The following EDA2R variants were observed in gnomAD, a reference collection of about 807,000 sequenced individuals.
EDA2R encodes the protein tumor necrosis factor receptor superfamily member 27.
In EDA2R, 26 loss-of-function variants were observed where a neutral mutation model predicts 20.1. The observed-to-expected ratio is 1.30, with a 90% CI of 0.95 to 1.80. EDA2R has a LOEUF of 1.80. Ranked by LOEUF, EDA2R falls within the 40% of genes most tolerant of loss-of-function variation. The pLI, the probability that EDA2R is intolerant of heterozygous loss-of-function variation, is 0.00. For synonymous variants in EDA2R, 114 were observed against 88.7 expected (o/e 1.29, Z -1.60); for missense variants, 277 against 228.7 (o/e 1.21, Z -1.36).
At chrX:66,611,864 T>C (rs1256479490) in intron 2 of EDA2R, among the ~76,000 whole-genome samples, 2 of 111,026 alleles carry the variant, frequency 1.8e-5, no homozygotes, top group East Asian at 5.6e-4. Flanking sequence ...AAATCCAAAG[T>C]AATGCACACC....
chrX:66,628,881 A>C (rs1239681306), intron 1 of EDA2R, among the ~76,000 whole-genome samples: 1 of 111,261 alleles, frequency 9.0e-6, no homozygotes, highest in African/African-American at 3.3e-5. Flanking sequence ...AGGAAAGGAC[A>C]TAACCAAAAC....
chrX:66,626,750 C>A (rs1933117089), intron 1 of EDA2R, among the ~76,000 whole-genome samples: 1 of 93,970 alleles, frequency 1.1e-5, no homozygotes, highest in African/African-American at 4.0e-5. Context: ...AGGAAAGAAT[C>A]TTAAGATCTG....
In EDA2R at chrX:66,596,269, A is replaced by G. The variant is rs1927432314; in HGVS notation, c.*1835T>C. The G allele has an allele frequency of 9.0e-6, 1 of 111,266 alleles. No individual in the cohort carries two copies. Among genetic ancestry groups the G allele is most frequent in the South Asian group, 3.8e-4 (1 of 2,654 alleles). The allele number at this position is 111,266 out of a possible 1,213,427, so 9.2% of individuals were successfully genotyped here. A position where few individuals can be genotyped will look rare whatever the true frequency, so the allele number is the denominator to read the frequency against. On this transcript the variant is annotated 3_prime_UTR_variant, in exon 7 of 7. Coordinates refer to ENST00000374719, the MANE Select transcript of EDA2R (RefSeq NM_021783.5). Reference sequence around the variant, plus strand: ...CTCAGCATTGAAAAGTAAAACTGTAAAAAGAACTCTCCTGAAGCAAATACT... The same window carrying G: ...CTCAGCATTGAAAAGTAAAACTGTAGAAAGAACTCTCCTGAAGCAAATACT...
At chrX:66,632,872 C>T (rs1933972092) in intron 1 of EDA2R, among the ~76,000 whole-genome samples, 1 of 111,770 alleles carries the variant, frequency 8.9e-6, no homozygotes, top group Non-Finnish European at 1.9e-5. Flanking sequence ...TCAACATTTC[C>T]AAAGTGGCTG....
Position 66,626,773 on chromosome X carries a change from GGAAAGGAAGA to G in EDA2R, c.-10-10753_-10-10744del, listed in dbSNP as rs1238365219. Among the ~76,000 whole-genome samples, 13 of 91,700 alleles carry G rather than the reference GGAAAGGAAGA, an allele frequency of 1.4e-4. No individual in the cohort carries two copies. In the East Asian group the frequency reaches 4.2e-3, roughly 30 times the overall value. 79.6% of individuals were successfully genotyped at this position (91,700 alleles called of 115,157 possible). A position where few individuals can be genotyped will look rare whatever the true frequency, so the allele number is the denominator to read the frequency against. Reference sequence around the variant, plus strand: ...ATCTTAAGATCTGTGAGACTGGAAAGGAAAGGAAGAGGAGGGAAGGGGAGGGGAGGGGAGG... The same window carrying G: ...ATCTTAAGATCTGTGAGACTGGAAAGGGAGGGAAGGGGAGGGGAGGGGAGG... On this transcript the variant is annotated intron_variant, in intron 1 of 6. Coordinates refer to ENST00000374719, the MANE Select transcript of EDA2R (RefSeq NM_021783.5).
At chrX:66,598,140 T>C in intron 6 of EDA2R, 47 bp from the exon 7 acceptor site, 2 of 588,172 alleles carry the variant, frequency 3.4e-6, no homozygotes, top group Admixed American at 3.5e-5. Context: ...GAAATCTCAC[T>C]AGCACCCTTC....
chrX:66,618,033 C>A (rs1932016292), intron 1 of EDA2R, among the ~76,000 whole-genome samples: 1 of 110,573 alleles, frequency 9.0e-6, no homozygotes, highest in African/African-American at 3.3e-5. Context: ...ATTACAGGAG[C>A]ATGCCACCAT....
At chrX:66,627,688 A>T (rs984211234) in intron 1 of EDA2R, among the ~76,000 whole-genome samples, 4 of 112,153 alleles carry the variant, frequency 3.6e-5, no homozygotes, top group Non-Finnish European at 5.6e-5. Context: ...ATAGTGGCGA[A>T]CTTCAATATT....
chrX:66,609,910 T>C (rs1285161963), intron 2 of EDA2R, among the ~76,000 whole-genome samples: 1 of 111,568 alleles, frequency 9.0e-6, no homozygotes, highest in African/African-American at 3.3e-5. Flanking sequence ...AATTTATAGA[T>C]AAAAATTAAA....
intron 2 of EDA2R, among the ~76,000 whole-genome samples, chrX:66,607,799 C>CA (rs1208330134): frequency 9.0e-6 from 1 of 111,130 alleles, no homozygotes; most frequent in Non-Finnish European, 1.9e-5. Context: ...TTTTTAACAA[C>CA]AAAAAAATAA....
rs10657734 is a variant in EDA2R, at chrX:66,610,272, A to AACACACACAC, written c.88-5056_88-5047dup. Reference sequence around the variant, plus strand: ...AGGATGTCTCTTAACCAGATACACAAACACACACACACACACACACACACA... The same window carrying AACACACACAC: ...AGGATGTCTCTTAACCAGATACACAAACACACACACACACACACACACACACACACACACA... On this transcript the variant is annotated intron_variant, in intron 2 of 6. Transcript: ENST00000374719. Among the ~76,000 whole-genome samples, 700 of 87,448 alleles carry AACACACACAC rather than the reference A, an allele frequency of 8.0e-3. 7 individuals carry two copies. The highest frequency in any genetic ancestry group is 0.012 in the Middle Eastern group (2 of 161). 75.9% of individuals were successfully genotyped at this position (87,448 alleles called of 115,157 possible). A position where few individuals can be genotyped will look rare whatever the true frequency, so the allele number is the denominator to read the frequency against.
intron 2 of EDA2R, among the ~76,000 whole-genome samples, chrX:66,615,629 T>C (rs747825383): frequency 2.7e-5 from 3 of 111,581 alleles, no homozygotes; most frequent in South Asian, 7.7e-4. Context: ...GAACACCATG[T>C]GGTTGGGCCT....
At chrX:66,612,772 CAA>C (rs1224204337) in intron 2 of EDA2R, among the ~76,000 whole-genome samples, 2 of 110,951 alleles carry the variant, frequency 1.8e-5, no homozygotes, top group African/African-American at 3.3e-5. Context: ...GAAATAAAAC[CAA>C]AGACTATCAA....
intron 1 of EDA2R, among the ~76,000 whole-genome samples, chrX:66,628,649 T>C (rs1933382834): frequency 9.4e-6 from 1 of 106,920 alleles, no homozygotes. Flanking sequence ...AAGAATTATA[T>C]ATCCTGAACA....
intron 4 of EDA2R, 124 bp downstream of exon 4, chrX:66,604,297 C>A: frequency 2.0e-6 from 1 of 510,639 alleles, no homozygotes; most frequent in Non-Finnish European, 3.1e-6. Flanking sequence ...GACTTCTAAT[C>A]TGATTCCCTT....
At chrX:66,635,688 A>C (rs761411500) in intron 1 of EDA2R, among the ~76,000 whole-genome samples, 1 of 112,216 alleles carries the variant, frequency 8.9e-6, no homozygotes, top group Admixed American at 9.4e-5. Context: ...ATGAAAAGCC[A>C]TACTGAACTT....
intron 5 of EDA2R, among the ~76,000 whole-genome samples, chrX:66,601,658 T>A (rs746850050): frequency 9.0e-6 from 1 of 111,356 alleles, no homozygotes; most frequent in Non-Finnish European, 1.9e-5. Context: ...CACTCTTTTA[T>A]CTAGTAAACT....
At chrX:66,614,743 T>G (rs1214509970) in intron 2 of EDA2R, among the ~76,000 whole-genome samples, 1 of 112,027 alleles carries the variant, frequency 8.9e-6, no homozygotes, top group Non-Finnish European at 1.9e-5. Context: ...ATTATTATGT[T>G]GTTTTCCAGC....
chrX:66,637,108 A>G (rs1258542038), intron 1 of EDA2R, among the ~76,000 whole-genome samples: 2 of 111,411 alleles, frequency 1.8e-5, no homozygotes, highest in Non-Finnish European at 3.8e-5. Flanking sequence ...GAAGGTACAT[A>G]CTCTTTCTAT....
Sources: gnomAD v4.1 joint callset for allele counts (sites outside exome capture counted in the v4.1 genomes callset) on GRCh38, gnomAD v4.1.1 for gene constraint, MANE v1.5 for transcripts, NCBI Gene and HGNC (gene_info 2026-07-23, HGNC 2026-07-21) for gene names.